EFCAB6: variants seen among roughly 807,000 people sequenced by gnomAD.
EFCAB6 encodes EF-hand calcium-binding domain-containing protein 6.
EFCAB6 carries 156 observed loss-of-function variants against 169.8 expected under a neutral mutation model. The ratio of observed to expected loss-of-function variants is 0.92; its 90% CI spans 0.81 to 1.05. EFCAB6 has a LOEUF of 1.05. Among genes scored for constraint, EFCAB6 ranks in the 50% least tolerant of loss-of-function variants. The pLI, the probability that EFCAB6 is intolerant of heterozygous loss-of-function variation, is 0.00. For missense variants in EFCAB6, 1,800 were observed against 1,829.1 expected (o/e 0.98, Z 0.29); for synonymous variants, 698 against 676.4 (o/e 1.03, Z -0.50).
At chr22:43,558,295 T>C (rs577638134) in intron 26 of EFCAB6, among the ~76,000 whole-genome samples, 3 of 152,220 alleles carry the variant, frequency 2.0e-5, no homozygotes, top group Non-Finnish European at 4.4e-5. Flanking sequence ...TTATGGTCAC[T>C]GTAAGTAGTT....
At chr22:43,663,408 T>C (rs1467231453) in intron 17 of EFCAB6, among the ~76,000 whole-genome samples, 2 of 152,200 alleles carry the variant, frequency 1.3e-5, no homozygotes, top group Non-Finnish European at 2.9e-5. Context: ...AAAAGCCATT[T>C]ACCCTGATCT....
chr22:43,664,482 C>CA (rs2148181323), intron 17 of EFCAB6, among the ~76,000 whole-genome samples: 1 of 152,284 alleles, frequency 6.6e-6, no homozygotes, highest in South Asian at 2.1e-4. Flanking sequence ...CCATGCAATA[C>CA]ACAACACAGG....
intron 8 of EFCAB6, among the ~76,000 whole-genome samples, chr22:43,728,391 T>G (rs1012433658): frequency 6.6e-6 from 1 of 152,250 alleles, no homozygotes; most frequent in Non-Finnish European, 1.5e-5. Context: ...TGTGTCTTTA[T>G]AGTAGAATGA....
At chr22:43,731,834 T>C (rs763559042) in intron 7 of EFCAB6, 23 bp from the exon 8 acceptor site, 5 of 1,442,410 alleles carry the variant, frequency 3.5e-6, no homozygotes, top group Non-Finnish European at 4.7e-6. Context: ...TGTTCTTTAG[T>C]AATGAGAAAT....
At chr22:43,659,236 C>A (rs1021323147) in intron 17 of EFCAB6, among the ~76,000 whole-genome samples, 1 of 152,204 alleles carries the variant, frequency 6.6e-6, no homozygotes, top group Non-Finnish European at 1.5e-5. Flanking sequence ...TTCCCCCTCA[C>A]ATAACTGATG....
chr22:43,728,261 C>A (rs1173593989), intron 8 of EFCAB6, among the ~76,000 whole-genome samples: 1 of 152,290 alleles, frequency 6.6e-6, no homozygotes, highest in African/African-American at 2.4e-5. Context: ...TTTATGGCTG[C>A]ATAGTACTCC....
intron 2 of EFCAB6, among the ~76,000 whole-genome samples, chr22:43,796,146 C>T (rs1322256267): frequency 3.9e-5 from 6 of 152,008 alleles, no homozygotes; most frequent in Admixed American, 3.9e-4. Context: ...TAGAAGTTTC[C>T]ACGCCATCCA....
chr22:43,758,386 G>A (rs1287248042), intron 5 of EFCAB6, among the ~76,000 whole-genome samples: 1 of 151,982 alleles, frequency 6.6e-6, no homozygotes, highest in Non-Finnish European at 1.5e-5. Flanking sequence ...TCTTCCAAAT[G>A]TTGGGAATTA....
chr22:43,663,727 A>C (rs2057114539), intron 17 of EFCAB6, among the ~76,000 whole-genome samples: 1 of 152,192 alleles, frequency 6.6e-6, no homozygotes, highest in Non-Finnish European at 1.5e-5. Flanking sequence ...TTAGACCCTA[A>C]CTTCCAATGT....
intron 10 of EFCAB6, among the ~76,000 whole-genome samples, chr22:43,689,213 G>A (rs956728565): frequency 6.6e-6 from 1 of 151,928 alleles, no homozygotes; most frequent in Non-Finnish European, 1.5e-5. Flanking sequence ...TTTGCGGGGG[G>A]GCGCAGGGCC....
intron 10 of EFCAB6, among the ~76,000 whole-genome samples, chr22:43,702,796 G>T (rs950753784): frequency 2.0e-5 from 3 of 152,184 alleles, no homozygotes; most frequent in Non-Finnish European, 4.4e-5. Context: ...GAAATAAAAA[G>T]AAGTTCCACT....
chr22:43,677,642 C>G (rs537256551), intron 13 of EFCAB6, among the ~76,000 whole-genome samples: 18 of 152,048 alleles, frequency 1.2e-4, no homozygotes, highest in Non-Finnish European at 2.1e-4. Flanking sequence ...AGAGACTCGA[C>G]GGAGAGAGAC....
chr22:43,767,958 G>A (rs2061366041), intron 4 of EFCAB6, among the ~76,000 whole-genome samples: 1 of 152,310 alleles, frequency 6.6e-6, no homozygotes, highest in Middle Eastern at 3.4e-3. Context: ...TAGACGAATT[G>A]CTGAAAGCGA....
At chr22:43,676,854 A>G (rs1397357661) in intron 13 of EFCAB6, among the ~76,000 whole-genome samples, 2 of 152,202 alleles carry the variant, frequency 1.3e-5, no homozygotes, top group Admixed American at 1.3e-4. Context: ...TGCATTTTGC[A>G]CAGAAACCAT....
chr22:43,540,095 G>A (rs772673519), intron 28 of EFCAB6, 32 bp downstream of exon 28: 2 of 1,610,216 alleles, frequency 1.2e-6, no homozygotes, highest in Admixed American at 3.3e-5. Flanking sequence ...GCATGAGGAG[G>A]CCTGGGACAC....
At chr22:43,711,436 T>C (rs1280697450) in intron 10 of EFCAB6, 39 bp downstream of exon 10, 2 of 1,530,032 alleles carry the variant, frequency 1.3e-6, no homozygotes, top group Non-Finnish European at 1.7e-6. Context: ...CGGTTGACGT[T>C]TGGGGAAAAA....
At chr22:43,669,707 T>C (rs1489609809) in intron 15 of EFCAB6, among the ~76,000 whole-genome samples, 1 of 152,202 alleles carries the variant, frequency 6.6e-6, no homozygotes, top group Non-Finnish European at 1.5e-5. Context: ...ATCATTTAAA[T>C]GTGTGCAGAG....
chr22:43,616,637 C>A (rs2053706164), intron 20 of EFCAB6, among the ~76,000 whole-genome samples: 1 of 152,112 alleles, frequency 6.6e-6, no homozygotes, highest in Admixed American at 6.6e-5. Flanking sequence ...TGCACTCCAG[C>A]CTGGGGGAGA....
intron 27 of EFCAB6, among the ~76,000 whole-genome samples, chr22:43,541,557 G>A (rs190881552): frequency 1.4e-3 from 209 of 152,280 alleles, no homozygotes; most frequent in Admixed American, 5.0e-3. Flanking sequence ...TTTACTACAC[G>A]TGTAGATTCG....
Sources: gnomAD v4.1 joint callset for allele counts (sites outside exome capture counted in the v4.1 genomes callset) on GRCh38, gnomAD v4.1.1 for gene constraint, MANE v1.5 for transcripts, NCBI Gene and HGNC (gene_info 2026-07-23, HGNC 2026-07-21) for gene names.